Variants in CLASP1 observed in about 807,000 individuals in gnomAD.
CLASP1 encodes the protein CLIP-associating protein 1.
CLASP1 carries 38 observed loss-of-function variants against 192.3 expected under a neutral mutation model. The observed-to-expected ratio is 0.20, with a 90% CI of 0.15 to 0.26. The LOEUF (loss-of-function observed/expected upper bound fraction) is 0.26, where lower values mean the gene tolerates loss of function less well. Ranked by LOEUF, CLASP1 falls within the 10% of genes least tolerant of loss-of-function variation. The pLI, the probability that CLASP1 is intolerant of heterozygous loss-of-function variation, is 1.00. For missense variants in CLASP1, 1,433 were observed against 1,932.5 expected (o/e 0.74, Z 4.85); for synonymous variants, 691 against 712.8 (o/e 0.97, Z 0.49).
chr2:121,623,523 G>GT (rs2067758977), intron 1 of CLASP1, among the ~76,000 whole-genome samples: 2 of 152,258 alleles, frequency 1.3e-5, no homozygotes, highest in East Asian at 3.9e-4. Context: ...CCTGGTTTTG[G>GT]TATCAGCCTA....
intron 2 of CLASP1, among the ~76,000 whole-genome samples, chr2:121,581,004 T>A (rs944168965): frequency 2.6e-5 from 4 of 152,150 alleles, no homozygotes; most frequent in Non-Finnish European, 5.9e-5. Flanking sequence ...AAGCATTCTC[T>A]CCTATCTTAA....
chr2:121,457,640 G>A, intron 14 of CLASP1, 47 bp downstream of exon 14: 1 of 1,424,000 alleles, frequency 7.0e-7, no homozygotes, highest in South Asian at 1.2e-5. Context: ...AATTTGTTTT[G>A]GTTTTTAAAC....
At chr2:121,564,844 T>A (rs913334940) in intron 2 of CLASP1, among the ~76,000 whole-genome samples, 1 of 152,196 alleles carries the variant, frequency 6.6e-6, no homozygotes, top group East Asian at 1.9e-4. Context: ...GGGGCTGCAG[T>A]TGGCATGAAA....
intron 19 of CLASP1, among the ~76,000 whole-genome samples, chr2:121,440,096 T>TAA (rs535955256): frequency 0.064 from 6,859 of 106,690 alleles, 574 homozygotes; most frequent in African/African-American, 0.19. Context: ...AAAAAAAAAC[T>TAA]AAAAAAAAAA....
At chr2:121,458,921 C>T in exon 13 of CLASP1, 1 of 1,612,784 alleles carries the variant, frequency 6.2e-7, no homozygotes, top group Non-Finnish European at 8.5e-7. Flanking sequence ...AGATAGTTGG[C>T]ATAATGGCTT....
rs531094471 is a variant in CLASP1 at position 121,441,411 on chromosome 2, C to A, written c.1912+5926G>T. Among the ~76,000 whole-genome samples the A allele has an allele frequency of 8.9e-4, 135 of 152,278 alleles. 2 individuals are homozygous for A. Among genetic ancestry groups the A allele is most frequent in the African/African-American group, 3.0e-3 (126 of 41,544 alleles). On this transcript the variant is annotated intron_variant, in intron 19 of 39. Coordinates refer to ENST00000263710, the Ensembl canonical transcript of CLASP1. The stretch of plus-strand genomic sequence containing the variant: ...ACTTGATCATTTCTACATTTTGCTA[C>A]CTACAACTATTCTCCCCAAAAGAAT...
At chr2:121,413,791 A>G (rs749218471) in intron 23 of CLASP1, among the ~76,000 whole-genome samples, 8 of 152,200 alleles carry the variant, frequency 5.3e-5, no homozygotes, top group Non-Finnish European at 1.0e-4. Context: ...GAAGGGAAAG[A>G]ATCTGTTGGA....
intron 37 of CLASP1, among the ~76,000 whole-genome samples, chr2:121,354,758 C>T (rs2065088204): frequency 6.6e-6 from 1 of 152,190 alleles, no homozygotes; most frequent in South Asian, 2.1e-4. Context: ...GAGTCAATAT[C>T]TGAGGTCCCC....
chr2:121,375,814 C>T (rs1281285786), intron 34 of CLASP1, among the ~76,000 whole-genome samples: 2 of 152,172 alleles, frequency 1.3e-5, no homozygotes, highest in Non-Finnish European at 2.9e-5. Flanking sequence ...GAGACTGGAG[C>T]TCTCAGAAAG....
At position 121,589,821 on chromosome 2, in the gene CLASP1, T is replaced by C. The variant is rs1576285664; in HGVS notation, c.195+15880A>G. ...ACAACTCTATTGGGAGATAAATCAA[T>C]ATTATCCTCATTTTGTGGAGAAAAA... is the stretch of plus-strand genomic sequence containing the variant. On this transcript the variant is annotated intron_variant, in intron 2 of 39. Transcript: ENST00000263710. 2.0e-5 allele frequency among the ~76,000 whole-genome samples: 3 copies of C among 151,926 alleles called. No homozygotes were observed. The East Asian group carries it at 5.8e-4, about 29-fold the overall frequency.
chr2:121,548,439 T>C (rs915954304), intron 2 of CLASP1, among the ~76,000 whole-genome samples: 2 of 152,092 alleles, frequency 1.3e-5, no homozygotes, highest in East Asian at 3.9e-4. Context: ...CTATGAAAAA[T>C]TGGTATCCCT....
rs558799210 is a variant in CLASP1, at chr2:121,418,552, G to A, written c.2320+70C>T. 1.9e-3 allele frequency: 1,990 copies of A among 1,053,686 alleles called. 3 individuals are homozygous for A. The highest frequency in any genetic ancestry group is 2.5e-3 in the Non-Finnish European group (1,712 of 677,232). The allele number at this position is 1,053,686 out of a possible 1,614,324, so 65.3% of individuals were successfully genotyped here. On this transcript the variant is annotated intron_variant, in intron 23 of 39. Transcript: ENST00000263710. Reference sequence around the variant, plus strand: ...TAGAGGAGGAAAAGCAGGTCATTCCGCCTAGCAGTGTCTCGGACAAGCAGG... The same window carrying A: ...TAGAGGAGGAAAAGCAGGTCATTCCACCTAGCAGTGTCTCGGACAAGCAGG...
intron 8 of CLASP1, among the ~76,000 whole-genome samples, chr2:121,499,020 T>C (rs1467030716): frequency 6.6e-6 from 1 of 152,248 alleles, no homozygotes; most frequent in Non-Finnish European, 1.5e-5. Flanking sequence ...TTTACTGTGT[T>C]TGAGCAGTTA....
intron 2 of CLASP1, among the ~76,000 whole-genome samples, chr2:121,562,189 TCTC>T (rs2059146452): frequency 6.6e-6 from 1 of 152,166 alleles, no homozygotes; most frequent in Non-Finnish European, 1.5e-5. Context: ...CCAAGTGACT[TCTC>T]CTTGACTCCT....
At chr2:121,393,751 G>A (rs2149417262) in intron 30 of CLASP1, among the ~76,000 whole-genome samples, 1 of 152,102 alleles carries the variant, frequency 6.6e-6, no homozygotes, top group South Asian at 2.1e-4. Context: ...AGAGTTTGAG[G>A]ACATCTATTT....
chr2:121,507,311 C>G (rs566868788), intron 7 of CLASP1, among the ~76,000 whole-genome samples: 1 of 152,092 alleles, frequency 6.6e-6, no homozygotes, highest in African/African-American at 2.4e-5. Flanking sequence ...ATTAAAAATT[C>G]ACCAGGAGGA....
At chr2:121,356,754 C>G (rs772808161) in intron 37 of CLASP1, among the ~76,000 whole-genome samples, 3 of 152,202 alleles carry the variant, frequency 2.0e-5, no homozygotes, top group Non-Finnish European at 4.4e-5. Context: ...TCTAACAAGA[C>G]AGTCATCACA....
At chr2:121,586,337 G>A (rs967582951) in intron 2 of CLASP1, among the ~76,000 whole-genome samples, 4 of 152,082 alleles carry the variant, frequency 2.6e-5, no homozygotes, top group African/African-American at 9.7e-5. Context: ...GTGTTGGCCA[G>A]GCTGGTCTCA....
intron 12 of CLASP1, chr2:121,459,568 T>A (rs2149864398): frequency 6.4e-6 from 1 of 157,040 alleles, no homozygotes; most frequent in Non-Finnish European, 1.4e-5. Context: ...CTAGTACACG[T>A]ACAGCTAGAA....
Sources: gnomAD v4.1 joint callset for allele counts (sites outside exome capture counted in the v4.1 genomes callset) on GRCh38, gnomAD v4.1.1 for gene constraint, MANE v1.5 for transcripts, NCBI Gene and HGNC (gene_info 2026-07-23, HGNC 2026-07-21) for gene names.